The following DPYD variants were observed in gnomAD, a reference collection of about 807,000 sequenced individuals.
DPYD encodes dihydropyrimidine dehydrogenase [NADP(+)].
A neutral mutation model predicts 116.2 loss-of-function variants in DPYD; 109 were observed. The observed-to-expected ratio is 0.94, with a 90% CI of 0.80 to 1.10. DPYD has a LOEUF of 1.10. Ranked by LOEUF, DPYD falls within the 50% of genes least tolerant of loss-of-function variation. DPYD has a pLI of 0.00. For missense variants in DPYD, 1,302 were observed against 1,254.5 expected (o/e 1.04, Z -0.57); for synonymous variants, 440 against 432.0 (o/e 1.02, Z -0.23).
At chr1:97,618,375 TTC>T (rs1200994530) in intron 8 of DPYD, among the ~76,000 whole-genome samples, 1 of 132,222 alleles carries the variant, frequency 7.6e-6, no homozygotes, top group Non-Finnish European at 1.7e-5. Flanking sequence ...AGGATTTTTT[TTC>T]TTTTTTTTTT....
chr1:97,695,880 A>G (rs1661273520), intron 6 of DPYD, among the ~76,000 whole-genome samples: 1 of 152,176 alleles, frequency 6.6e-6, no homozygotes, highest in African/African-American at 2.4e-5. Flanking sequence ...CTGTAATCCC[A>G]GCCCTTTGGG....
At chr1:97,385,729 G>A (rs896238803) in intron 14 of DPYD, among the ~76,000 whole-genome samples, 1 of 152,048 alleles carries the variant, frequency 6.6e-6, no homozygotes, top group Non-Finnish European at 1.5e-5. Context: ...CTCGTGGGCT[G>A]AATCTAGCCA....
intron 16 of DPYD, among the ~76,000 whole-genome samples, chr1:97,357,025 T>G (rs2101380185): frequency 6.6e-6 from 1 of 152,358 alleles, no homozygotes; most frequent in Admixed American, 6.5e-5. Context: ...CCATACACAT[T>G]TTAGAATTAT....
chr1:97,085,645 G>T (rs968627772), intron 21 of DPYD, among the ~76,000 whole-genome samples: 1 of 152,176 alleles, frequency 6.6e-6, no homozygotes, highest in Non-Finnish European at 1.5e-5. Context: ...AAAGCCTCCA[G>T]GTAGTACTAC....
intron 1 of DPYD, among the ~76,000 whole-genome samples, chr1:97,897,734 C>T (rs1257198159): frequency 6.6e-6 from 1 of 151,876 alleles, no homozygotes; most frequent in Non-Finnish European, 1.5e-5. Flanking sequence ...CACACCTCTA[C>T]TTCATTTTTT....
intron 3 of DPYD, among the ~76,000 whole-genome samples, chr1:97,804,503 T>G (rs1169756746): frequency 1.3e-5 from 2 of 151,800 alleles, no homozygotes; most frequent in Admixed American, 1.3e-4. Context: ...TCATAAAACA[T>G]TAATTAGACA....
chr1:97,862,299 C>G (rs1256743416), intron 2 of DPYD, among the ~76,000 whole-genome samples: 1 of 151,742 alleles, frequency 6.6e-6, no homozygotes, highest in Admixed American at 6.6e-5. Flanking sequence ...GGTTTCCAGT[C>G]ATCAATAATA....
intron 14 of DPYD, among the ~76,000 whole-genome samples, chr1:97,443,153 G>A (rs557247555): frequency 1.3e-5 from 2 of 152,188 alleles, no homozygotes; most frequent in South Asian, 4.1e-4. Context: ...TAGAAAAACA[G>A]AATTTTGTTA....
At chr1:97,777,454 T>G (rs1221872972) in intron 3 of DPYD, among the ~76,000 whole-genome samples, 1 of 152,170 alleles carries the variant, frequency 6.6e-6, no homozygotes, top group African/African-American at 2.4e-5. Flanking sequence ...ACACAAAATA[T>G]TCTGTGGATA....
At chr1:97,752,541 C>G (rs1028008241) in intron 3 of DPYD, among the ~76,000 whole-genome samples, 4 of 152,132 alleles carry the variant, frequency 2.6e-5, no homozygotes, top group African/African-American at 7.2e-5. Context: ...TATCTCTGAG[C>G]CTCGGCTTCT....
chr1:97,644,089 AAG>A, intron 8 of DPYD, among the ~76,000 whole-genome samples: 1 of 152,116 alleles, frequency 6.6e-6, no homozygotes, highest in East Asian at 1.9e-4. Flanking sequence ...TAATAAAAAA[AAG>A]AAAATTGTAT....
intron 13 of DPYD, among the ~76,000 whole-genome samples, chr1:97,494,260 G>A (rs956884491): frequency 5.3e-5 from 8 of 152,096 alleles, no homozygotes; most frequent in Admixed American, 1.3e-4. Context: ...GCAGAGGTGC[G>A]AGCATAGCTC....
chr1:97,739,006 G>T (rs1427728301), intron 4 of DPYD, among the ~76,000 whole-genome samples: 2 of 151,984 alleles, frequency 1.3e-5, no homozygotes, highest in Admixed American at 1.3e-4. Flanking sequence ...AATTGGGGTA[G>T]CATGGATCTT....
chr1:97,280,995 C>A (rs1430024357), intron 18 of DPYD, among the ~76,000 whole-genome samples: 4 of 151,864 alleles, frequency 2.6e-5, no homozygotes, highest in Non-Finnish European at 5.9e-5. Context: ...CACTACACAC[C>A]CCATAAAAAT....
chr1:97,774,716 G>A (rs965161445), intron 3 of DPYD: 5 of 187,866 alleles, frequency 2.7e-5, no homozygotes, highest in South Asian at 1.4e-4. Flanking sequence ...TGTGAAATAC[G>A]CAATAAAAAG....
chr1:97,456,355 T>C (rs1676685408), intron 13 of DPYD, among the ~76,000 whole-genome samples: 1 of 152,058 alleles, frequency 6.6e-6, no homozygotes, highest in Non-Finnish European at 1.5e-5. Flanking sequence ...AATATGCAAC[T>C]ATACCTCAGC....
chr1:97,385,538 A>C (rs4638160), intron 14 of DPYD, among the ~76,000 whole-genome samples: 5,853 of 148,050 alleles, frequency 0.04, 151 homozygotes, highest in East Asian at 0.072. Flanking sequence ...AAAAAAAAAA[A>C]CAAAATAAAA....
At chr1:97,210,342 C>T (rs1217652889) in intron 19 of DPYD, among the ~76,000 whole-genome samples, 1 of 151,970 alleles carries the variant, frequency 6.6e-6, no homozygotes. Flanking sequence ...TTTACTCTTT[C>T]CTCAAAGATT....
At chr1:97,120,889 C>T (rs903453651) in intron 20 of DPYD, among the ~76,000 whole-genome samples, 8 of 152,242 alleles carry the variant, frequency 5.3e-5, no homozygotes, top group Middle Eastern at 6.8e-3. Context: ...AAATGGAATG[C>T]CAAGTGTCTA....
Sources: allele counts gnomAD v4.1 joint callset (sites outside exome capture counted in the v4.1 genomes callset), GRCh38; gene constraint gnomAD v4.1.1; transcripts MANE v1.5; gene names NCBI Gene and HGNC (gene_info 2026-07-23, HGNC 2026-07-21).